SMYD2: variants seen among roughly 807,000 people sequenced by gnomAD.
SMYD2 encodes N-lysine methyltransferase SMYD2.
In SMYD2, 53 loss-of-function variants were observed where a neutral mutation model predicts 59.1. That is an observed-to-expected ratio of 0.90 (90% CI 0.72 to 1.13). SMYD2 has a LOEUF of 1.13. Ranked by LOEUF, SMYD2 falls within the 50% of genes most tolerant of loss-of-function variation. The probability of loss-of-function intolerance (pLI) is 0.00; values close to 1 mark genes in which losing one functional copy is unlikely to be tolerated. For synonymous variants in SMYD2, 208 were observed against 198.8 expected (o/e 1.05, Z -0.39); for missense variants, 494 against 544.7 (o/e 0.91, Z 0.93).
At chr1:214,308,859 A>G (rs952872328) in intron 2 of SMYD2, among the ~76,000 whole-genome samples, 24 of 152,196 alleles carry the variant, frequency 1.6e-4, no homozygotes, top group Non-Finnish European at 3.5e-4. Flanking sequence ...TCACCCCTTT[A>G]CAGTAGTGTG....
Position 214,295,713 on chromosome 1 carries a change from T to C in SMYD2, c.174-9474T>C, listed in dbSNP as rs183041071. Among the ~76,000 whole-genome samples the C allele has an allele frequency of 9.8e-5, 15 of 152,350 alleles. No homozygotes were observed. The East Asian group carries it at 2.3e-3, about 23-fold the overall frequency. On this transcript the variant is annotated intron_variant, in intron 1 of 11. Transcript: ENST00000366957. The stretch of plus-strand genomic sequence containing the variant: ...CCCGCTGCACGTGGGTCCCGTTCAC[T>C]GTTACATTGTGGATTAAAGTGATGT...
intron 1 of SMYD2, among the ~76,000 whole-genome samples, chr1:214,294,218 G>A (rs934922834): frequency 1.3e-5 from 2 of 152,164 alleles, no homozygotes; most frequent in Non-Finnish European, 2.9e-5. Context: ...AACGGTATCC[G>A]ATCAGTTTAA....
At chr1:214,328,077 G>A (rs1365610855) in intron 7 of SMYD2, among the ~76,000 whole-genome samples, 1 of 152,164 alleles carries the variant, frequency 6.6e-6, no homozygotes, top group Non-Finnish European at 1.5e-5. Context: ...TATCTTTAGA[G>A]TCTCTGTATC....
At chr1:214,316,247 G>A (rs901448802) in intron 3 of SMYD2, among the ~76,000 whole-genome samples, 1 of 152,120 alleles carries the variant, frequency 6.6e-6, no homozygotes, top group Non-Finnish European at 1.5e-5. Flanking sequence ...AAGGCAGAAG[G>A]ATTGTTTGAA....
intron 1 of SMYD2, among the ~76,000 whole-genome samples, chr1:214,295,523 A>G (rs1015097483): frequency 1.3e-5 from 2 of 152,190 alleles, no homozygotes; most frequent in African/African-American, 2.4e-5. Context: ...TCCTCCTTGT[A>G]AATTACAGCT....
At chr1:214,299,024 C>T (rs533517939) in intron 1 of SMYD2, among the ~76,000 whole-genome samples, 1 of 152,074 alleles carries the variant, frequency 6.6e-6, no homozygotes, top group South Asian at 2.1e-4. Context: ...GGTAGTGTGT[C>T]CCTGTGGTCC....
chr1:214,301,905 A>G (rs576866053), intron 1 of SMYD2, among the ~76,000 whole-genome samples: 2 of 152,204 alleles, frequency 1.3e-5, no homozygotes, highest in South Asian at 4.1e-4. Flanking sequence ...TACTTTTTGC[A>G]TTCTTCCCAC....
chr1:214,332,317 C>T, intron 10 of SMYD2, 125 bp downstream of exon 10: 1 of 1,116,468 alleles, frequency 9.0e-7, no homozygotes, highest in Non-Finnish European at 1.3e-6. Flanking sequence ...TCTCTGCACC[C>T]ACATCTGGAG....
At chr1:214,307,800 G>A (rs766242936) in intron 2 of SMYD2, among the ~76,000 whole-genome samples, 3 of 152,174 alleles carry the variant, frequency 2.0e-5, no homozygotes, top group Admixed American at 2.0e-4. Flanking sequence ...TGCAATGAGG[G>A]GTGTCCTCCC....
At position 214,299,465 on chromosome 1, in the gene SMYD2, T is replaced by TATATATATATATATATATATATATATATA. The variant is rs1553254476; in HGVS notation, c.174-5722_174-5721insATATATATATATATATATATATATATATA. On this transcript the variant is annotated intron_variant, in intron 1 of 11. Coordinates refer to ENST00000366957, the MANE Select transcript of SMYD2 (RefSeq NM_020197.3). ...AACAGTGAACTGGATAAAGAAAACA[T>TATATATATATATATATATATATATATATA]TATATATATATATATATACACCATA... 6.9e-4 allele frequency among the ~76,000 whole-genome samples: 49 copies of TATATATATATATATATATATATATATATA among 71,520 alleles called. 1 individual carries two copies. The highest frequency in any genetic ancestry group is 1.1e-3 in the Non-Finnish European group (39 of 34,070). The allele number at this position is 71,520 out of a possible 152,430, so 46.9% of individuals were successfully genotyped here. A position where few individuals can be genotyped will look rare whatever the true frequency, so the allele number is the denominator to read the frequency against.
intron 1 of SMYD2, 37 bp downstream of exon 1, chr1:214,281,464 G>C (rs770583171): frequency 3.0e-6 from 4 of 1,344,230 alleles, no homozygotes; most frequent in South Asian, 2.2e-5. Context: ...GGCGGGAGCC[G>C]GGGGCGCCGA....
At chr1:214,291,160 C>T (rs892245802) in intron 1 of SMYD2, among the ~76,000 whole-genome samples, 9 of 152,212 alleles carry the variant, frequency 5.9e-5, no homozygotes, top group Non-Finnish European at 1.3e-4. Flanking sequence ...AAAACAACTC[C>T]AAAGAAAAGG....
chr1:214,321,697 G>C (rs1269294298), intron 5 of SMYD2, among the ~76,000 whole-genome samples: 1 of 152,222 alleles, frequency 6.6e-6, no homozygotes. Flanking sequence ...TGATTGGGAA[G>C]TGTATTTTTG....
At chr1:214,287,361 C>T (rs900110714) in intron 1 of SMYD2, among the ~76,000 whole-genome samples, 8 of 151,264 alleles carry the variant, frequency 5.3e-5, no homozygotes, top group African/African-American at 1.7e-4. Flanking sequence ...CCGAGGCGGG[C>T]GGATTACCTG....
chr1:214,329,126 T>G (rs1458510048), intron 7 of SMYD2, among the ~76,000 whole-genome samples: 1 of 152,230 alleles, frequency 6.6e-6, no homozygotes, highest in African/African-American at 2.4e-5. Flanking sequence ...TGCCCTTATG[T>G]TCTCCCAGAT....
intron 5 of SMYD2, 57 bp downstream of exon 5, chr1:214,319,040 C>A: frequency 6.3e-7 from 1 of 1,589,042 alleles, no homozygotes; most frequent in Non-Finnish European, 8.6e-7. Context: ...CCAAGGCCCT[C>A]TCCCTAGCAA....
chr1:214,324,858 A>C, intron 6 of SMYD2, 150 bp downstream of exon 6: 1 of 691,488 alleles, frequency 1.4e-6, no homozygotes, highest in Admixed American at 3.0e-5. Context: ...CCAGATTTCA[A>C]AATATTTCCC....
intron 1 of SMYD2, among the ~76,000 whole-genome samples, chr1:214,296,288 C>A (rs1656726332): frequency 6.6e-6 from 1 of 152,232 alleles, no homozygotes; most frequent in South Asian, 2.1e-4. Context: ...CTGTGTGTGT[C>A]TCCTCCAGTA....
chr1:214,331,030 C>T lies in SMYD2; in HGVS notation c.897C>T (p.Arg299=). Residue 299 remains arginine (R), a synonymous_variant, in exon 9 of 12, where the codon CGC becomes CGT. Coordinates refer to ENST00000366957, the MANE Select transcript of SMYD2 (RefSeq NM_020197.3). ...TCCGAGACATGGTCAGATATGCACG[C>T]AACGTCATTGAAGAGTTCCGGAGGG... The part of the protein sequence containing the change: ...EAIRDMVRYA[R]NVIEEFRRAK... 4 of 1,614,204 alleles carry T rather than the reference C, an allele frequency of 2.5e-6. No homozygotes were observed. Among genetic ancestry groups the T allele is most frequent in the Non-Finnish European group, 3.4e-6 (4 of 1,180,024 alleles).
Sources: gnomAD v4.1 joint callset for allele counts (sites outside exome capture counted in the v4.1 genomes callset) on GRCh38, gnomAD v4.1.1 for gene constraint, MANE v1.5 for transcripts, NCBI Gene and HGNC (gene_info 2026-07-23, HGNC 2026-07-21) for gene names.